Variants in PRR16 observed in about 807,000 individuals in gnomAD.
PRR16 encodes the protein protein Largen.
In PRR16, 6 loss-of-function variants were observed where a neutral mutation model predicts 18.2. That is an observed-to-expected ratio of 0.33 (90% CI 0.18 to 0.65). PRR16 has a LOEUF of 0.65. Among genes scored for constraint, PRR16 ranks in the 30% least tolerant of loss-of-function variants. The probability of loss-of-function intolerance (pLI) is 0.74; values close to 1 mark genes in which losing one functional copy is unlikely to be tolerated. For missense variants in PRR16, 412 were observed against 376.6 expected, an observed-to-expected ratio of 1.09 and a Z score of -0.78; for synonymous variants, 151 against 147.8, an observed-to-expected ratio of 1.02 and a Z score of -0.16.
intron 1 of PRR16, among the ~76,000 whole-genome samples, chr5:120,514,422 G>T (rs983767143): frequency 2.0e-5 from 3 of 152,096 alleles, no homozygotes; most frequent in African/African-American, 7.2e-5. Flanking sequence ...ACATAGCCTG[G>T]CTGAGAGTTC....
At chr5:120,492,315 C>T (rs143571872) in intron 1 of PRR16, among the ~76,000 whole-genome samples, 52 of 149,560 alleles carry the variant, frequency 3.5e-4, no homozygotes, top group African/African-American at 1.1e-3. Context: ...GACACAAGGT[C>T]TCCTTATTTT....
intron 1 of PRR16, among the ~76,000 whole-genome samples, chr5:120,684,848 C>T (rs1292566773): frequency 6.6e-6 from 1 of 152,204 alleles, no homozygotes. Flanking sequence ...TTCCTATCTT[C>T]ACAACCTCTC....
At chr5:120,790,453 A>C in the PRR16 span, 2 of 152,218 alleles carry the variant, frequency 1.3e-5, no homozygotes, top group African/African-American at 4.8e-5. Context: ...ATTTCAAAAT[A>C]TGTAGACAAA....
chr5:120,494,154 A>G (rs746202356), intron 1 of PRR16, among the ~76,000 whole-genome samples: 2 of 152,144 alleles, frequency 1.3e-5, no homozygotes, highest in South Asian at 2.1e-4. Flanking sequence ...CCTACCGTCA[A>G]TGTATAAGTT....
chr5:120,565,853 A>G (rs1306566544), intron 1 of PRR16, among the ~76,000 whole-genome samples: 1 of 152,210 alleles, frequency 6.6e-6, no homozygotes, highest in Non-Finnish European at 1.5e-5. Flanking sequence ...TTACATTTGC[A>G]TCATGCATTC....
chr5:120,536,045 C>G (rs1751707316), intron 1 of PRR16, among the ~76,000 whole-genome samples: 1 of 152,168 alleles, frequency 6.6e-6, no homozygotes, highest in Non-Finnish European at 1.5e-5. Flanking sequence ...CATGTTTAGT[C>G]ACTAACCACA....
chr5:120,616,780 A>G (rs1413319328), intron 1 of PRR16, among the ~76,000 whole-genome samples: 1 of 152,168 alleles, frequency 6.6e-6, no homozygotes, highest in Non-Finnish European at 1.5e-5. Context: ...GTGATTTGCT[A>G]TGGTATACTG....
At chr5:120,791,629 A>G in the PRR16 span, among the ~76,000 whole-genome samples, 1 of 147,608 alleles carries the variant, frequency 6.8e-6, no homozygotes, top group East Asian at 2.0e-4. Context: ...CTATCCATCC[A>G]TCTATCATCT....
the PRR16 span, among the ~76,000 whole-genome samples, chr5:120,763,572 T>G: frequency 6.6e-6 from 1 of 152,170 alleles, no homozygotes; most frequent in South Asian, 2.1e-4. Flanking sequence ...ATTTTAGAAT[T>G]GTTTTATTTC....
chr5:120,584,263 A>G (rs1524566), intron 1 of PRR16, among the ~76,000 whole-genome samples: 55,570 of 152,050 alleles, frequency 0.37, 10,637 homozygotes, highest in East Asian at 0.73. Flanking sequence ...ATGACTATAT[A>G]AAATGCCTTT....
the PRR16 span, among the ~76,000 whole-genome samples, chr5:120,694,666 C>CAG: frequency 3.7e-5 from 5 of 135,562 alleles, no homozygotes; most frequent in African/African-American, 1.4e-4. Context: ...GCCTGGGCGA[C>CAG]AGCGAGACTC....
intron 1 of PRR16, among the ~76,000 whole-genome samples, chr5:120,671,709 A>T (rs1756612145): frequency 6.6e-6 from 1 of 152,176 alleles, no homozygotes; most frequent in Admixed American, 6.5e-5. Flanking sequence ...ATATTTATTT[A>T]AAAATATTGA....
At chr5:120,509,984 A>G (rs1446719771) in intron 1 of PRR16, among the ~76,000 whole-genome samples, 1 of 152,134 alleles carries the variant, frequency 6.6e-6, no homozygotes, top group Non-Finnish European at 1.5e-5. Context: ...TGTTCTTTAC[A>G]CATCCATGTT....
At chr5:120,724,923 AAAAAT>A in the PRR16 span, among the ~76,000 whole-genome samples, 63 of 152,204 alleles carry the variant, frequency 4.1e-4, no homozygotes, top group Admixed American at 1.4e-3. Context: ...GAAAATTAAA[AAAAAT>A]ATATATAGTA....
intron 1 of PRR16, among the ~76,000 whole-genome samples, chr5:120,566,289 G>A (rs1011527358): frequency 2.0e-5 from 3 of 152,168 alleles, no homozygotes; most frequent in African/African-American, 7.2e-5. Flanking sequence ...CTTGCCTCCA[G>A]AACTGTGAGC....
chr5:120,699,450 A>G, the PRR16 span, among the ~76,000 whole-genome samples: 1 of 152,212 alleles, frequency 6.6e-6, no homozygotes, highest in Non-Finnish European at 1.5e-5. Context: ...GTGTGGTATC[A>G]GTAATAATGT....
chr5:120,486,488 G>C lies in PRR16; in HGVS notation c.159+21843G>C, dbSNP rs1749804839. Among the ~76,000 whole-genome samples the C allele has an allele frequency of 2.0e-5, 3 of 151,738 alleles. No homozygotes were observed. In the South Asian group the frequency reaches 6.2e-4, roughly 32 times the overall value. On this transcript the variant is annotated intron_variant, in intron 1 of 1. Transcript: ENST00000407149. The stretch of plus-strand genomic sequence containing the variant: ...TGTTCATGTCCTTCGCCCACTTTTT[G>C]ATGGGGTTGTTTTTTTCCTGTAAAT...
At chr5:120,494,735 T>C (rs1750185261) in intron 1 of PRR16, among the ~76,000 whole-genome samples, 1 of 152,148 alleles carries the variant, frequency 6.6e-6, no homozygotes, top group Non-Finnish European at 1.5e-5. Flanking sequence ...TTACATTTAA[T>C]TCTGTAATCT....
the PRR16 span, among the ~76,000 whole-genome samples, chr5:120,719,378 A>T: frequency 1.3e-5 from 2 of 152,172 alleles, no homozygotes. Flanking sequence ...TAAGGTTTGT[A>T]TTGGTATACT....
Sources: allele counts gnomAD v4.1 joint callset (sites outside exome capture counted in the v4.1 genomes callset), GRCh38; gene constraint gnomAD v4.1.1; transcripts MANE v1.5; gene names NCBI Gene and HGNC (gene_info 2026-07-23, HGNC 2026-07-21).